The following PCDH7 variants were observed in gnomAD, a reference collection of about 807,000 sequenced individuals.
PCDH7 encodes the protein protocadherin 7.
In PCDH7, 17 loss-of-function variants were observed where a neutral mutation model predicts 58.9. The observed-to-expected ratio is 0.29, with a 90% CI of 0.20 to 0.43. PCDH7 has a LOEUF of 0.43. Ranked by LOEUF, PCDH7 falls within the 20% of genes least tolerant of loss-of-function variation. The probability of loss-of-function intolerance (pLI) is 1.00; values close to 1 mark genes in which losing one functional copy is unlikely to be tolerated. For synonymous variants in PCDH7, 664 were observed against 616.4 expected, an observed-to-expected ratio of 1.08 and a Z score of -1.14; for missense variants, 1,274 against 1,441.0, an observed-to-expected ratio of 0.88 and a Z score of 1.88.
In PCDH7 at chr4:31,083,001, G is replaced by A. The variant is rs534150197; in HGVS notation, c.*8-59472G>A. 9.2e-5 allele frequency among the ~76,000 whole-genome samples: 14 copies of A among 152,180 alleles called. No individual in the cohort carries two copies. The East Asian group carries it at 9.7e-4, about 11-fold the overall frequency. On this transcript the variant is annotated intron_variant, in intron 3 of 3. Transcript: ENST00000509759. Reference sequence around the variant, plus strand: ...TGGGCACCTGTAGTCCCAGCTACTCGGGAGGCTGAGGCAGGAGAATGGCGT... The same window carrying A: ...TGGGCACCTGTAGTCCCAGCTACTCAGGAGGCTGAGGCAGGAGAATGGCGT...
At chr4:31,112,638 A>C (rs558089286) in intron 3 of PCDH7, among the ~76,000 whole-genome samples, 1 of 152,248 alleles carries the variant, frequency 6.6e-6, no homozygotes, top group African/African-American at 2.4e-5. Context: ...ATTTAAAATA[A>C]ATTGTTTCAG....
chr4:31,138,044 C>T (rs1190759719), intron 3 of PCDH7, among the ~76,000 whole-genome samples: 1 of 152,048 alleles, frequency 6.6e-6, no homozygotes, highest in Non-Finnish European at 1.5e-5. Flanking sequence ...ACTGTGCTCT[C>T]CTATAATAAT....
At chr4:30,789,945 A>T (rs1049148484) in intron 1 of PCDH7, among the ~76,000 whole-genome samples, 3 of 152,174 alleles carry the variant, frequency 2.0e-5, no homozygotes, top group Non-Finnish European at 4.4e-5. Context: ...CTCAAGGAAA[A>T]TGGCTATCTA....
chr4:31,126,910 A>G (rs1193282850), intron 3 of PCDH7, among the ~76,000 whole-genome samples: 12 of 152,182 alleles, frequency 7.9e-5, no homozygotes, highest in Non-Finnish European at 1.8e-4. Context: ...CCAATACACA[A>G]AGACTTGCAG....
chr4:30,721,320 A>T lies in PCDH7; in HGVS notation c.-103A>T. On this transcript the variant is annotated 5_prime_UTR_variant, in exon 1 of 2. The change creates a premature stop within an existing upstream ORF in the 5' untranslated region. Coordinates refer to ENST00000361762, the Ensembl canonical transcript of PCDH7. This position sits in a 1 kb window ranked among gnomAD's most constrained non-coding sequence, Gnocchi z 6.7. ...TCCCTCTCGCTCCTTCCTTTCCGGG[A>T]GAGGGGAGAGGACTCGGGGGAGGGC... 1 of 1,111,058 alleles carries T rather than the reference A, an allele frequency of 9.0e-7. No homozygotes were observed. Among genetic ancestry groups the T allele is most frequent in the Non-Finnish European group, 1.2e-6 (1 of 816,104 alleles). The allele number at this position is 1,111,058 out of a possible 1,614,324, so 68.8% of individuals were successfully genotyped here.
chr4:30,733,212 A>C (rs928595855), downstream of PCDH7, among the ~76,000 whole-genome samples: 2 of 152,194 alleles, frequency 1.3e-5, no homozygotes, highest in Non-Finnish European at 2.9e-5. Context: ...TAGCATGTGG[A>C]TATTTTATTT....
intron 1 of PCDH7, among the ~76,000 whole-genome samples, chr4:30,749,122 T>G (rs1440137923): frequency 6.6e-6 from 1 of 152,198 alleles, no homozygotes; most frequent in Non-Finnish European, 1.5e-5. Context: ...TGCATTTTCT[T>G]TGGAGATAAT....
At chr4:31,045,180 A>C (rs1392281260) in intron 3 of PCDH7, among the ~76,000 whole-genome samples, 2 of 151,982 alleles carry the variant, frequency 1.3e-5, no homozygotes, top group Non-Finnish European at 2.9e-5. Flanking sequence ...TGAGCTTTAG[A>C]GTCTGTTTTC....
chr4:30,934,831 A>C (rs942561587), intron 2 of PCDH7, among the ~76,000 whole-genome samples: 2 of 152,116 alleles, frequency 1.3e-5, no homozygotes, highest in East Asian at 3.9e-4. Context: ...ACATTTGCAA[A>C]GAATTGGAGC....
chr4:30,776,672 G>A (rs914144407), intron 1 of PCDH7, among the ~76,000 whole-genome samples: 2 of 152,090 alleles, frequency 1.3e-5, no homozygotes, highest in East Asian at 1.9e-4. Context: ...AATGTATCAC[G>A]AGTTGGGGAG....
In PCDH7 at chr4:31,107,655, G is replaced by A. The variant is rs116148358; in HGVS notation, c.*8-34818G>A. Among the ~76,000 whole-genome samples the A allele has an allele frequency of 6.5e-3, 986 of 152,120 alleles. 8 individuals carry two copies. The highest frequency in any genetic ancestry group is 0.023 in the African/African-American group (933 of 41,458). The stretch of plus-strand genomic sequence containing the variant: ...TTTTTCTTTGCTTCAGTTTCACTTT[G>A]GGCTTTGGGGTAATAGATTCCATAT... On this transcript the variant is annotated intron_variant, in intron 3 of 3. Transcript: ENST00000509759.
intron 3 of PCDH7, among the ~76,000 whole-genome samples, chr4:31,113,717 T>C (rs1335717910): frequency 6.6e-6 from 1 of 152,060 alleles, no homozygotes; most frequent in Non-Finnish European, 1.5e-5. Context: ...TTTGAGCAGA[T>C]AGGTACAAAA....
intron 3 of PCDH7, among the ~76,000 whole-genome samples, chr4:31,135,426 G>T (rs977686356): frequency 1.1e-4 from 17 of 152,152 alleles, no homozygotes; most frequent in Non-Finnish European, 2.2e-4. Context: ...GTAGTAGGAG[G>T]ATGCCTAATG....
intron 3 of PCDH7, among the ~76,000 whole-genome samples, chr4:30,962,880 G>A (rs1578426297): frequency 6.6e-6 from 1 of 150,396 alleles, no homozygotes; most frequent in African/African-American, 2.4e-5. Context: ...ATATTAGTAC[G>A]TATCTTGATA....
At chr4:31,093,429 A>G (rs372380986) in intron 3 of PCDH7, among the ~76,000 whole-genome samples, 237 of 152,208 alleles carry the variant, frequency 1.6e-3, no homozygotes, top group African/African-American at 5.6e-3. Flanking sequence ...CCTTCTTTCT[A>G]CTTTTTTGTG....
intron 1 of PCDH7, among the ~76,000 whole-genome samples, chr4:30,814,631 A>G (rs1002876171): frequency 1.3e-5 from 2 of 152,046 alleles, no homozygotes; most frequent in Admixed American, 1.3e-4. Flanking sequence ...ACTTTTATTC[A>G]CCATTCATTA....
chr4:31,056,716 G>A (rs1757289042), intron 3 of PCDH7, among the ~76,000 whole-genome samples: 2 of 151,630 alleles, frequency 1.3e-5, no homozygotes, highest in South Asian at 4.2e-4. Context: ...AAGAGAAAAA[G>A]GAAGGGAAAG....
chr4:31,026,634 C>T (rs1474591348), intron 3 of PCDH7, among the ~76,000 whole-genome samples: 1 of 152,152 alleles, frequency 6.6e-6, no homozygotes, highest in Admixed American at 6.5e-5. Context: ...TTCTTTGGGA[C>T]AAAACATTCT....
chr4:30,803,825 G>A (rs558948770), intron 1 of PCDH7, among the ~76,000 whole-genome samples: 58 of 152,288 alleles, frequency 3.8e-4, no homozygotes, highest in African/African-American at 1.3e-3. Context: ...GTAAATGTAA[G>A]ACTTACTGAA....
Sources: allele counts gnomAD v4.1 joint callset (sites outside exome capture counted in the v4.1 genomes callset), GRCh38; gene constraint gnomAD v4.1.1; non-coding constraint Gnocchi (gnomAD v3.1); transcripts MANE v1.5; gene names NCBI Gene and HGNC (gene_info 2026-07-23, HGNC 2026-07-21).